ATF6: variants seen among roughly 807,000 people sequenced by gnomAD.
ATF6 encodes activating transcription factor 6.
In ATF6, 53 loss-of-function variants were observed where a neutral mutation model predicts 83.6. The observed-to-expected ratio is 0.63, with a 90% CI of 0.51 to 0.80. ATF6 has a LOEUF of 0.80. Among genes scored for constraint, ATF6 ranks in the 30% least tolerant of loss-of-function variants. The probability of loss-of-function intolerance (pLI) is 0.00; values close to 1 mark genes in which losing one functional copy is unlikely to be tolerated. For synonymous variants in ATF6, 288 were observed against 285.8 expected, an observed-to-expected ratio of 1.01 and a Z score of -0.08; for missense variants, 744 against 797.9, an observed-to-expected ratio of 0.93 and a Z score of 0.81.
At chr1:161,920,931 A>G (rs906146713) in intron 15 of ATF6, among the ~76,000 whole-genome samples, 4 of 151,942 alleles carry the variant, frequency 2.6e-5, no homozygotes, top group Non-Finnish European at 5.9e-5. Context: ...TTAACTAGGC[A>G]CATTATGATT....
intron 7 of ATF6, among the ~76,000 whole-genome samples, chr1:161,802,573 C>T (rs528983998): frequency 3.9e-5 from 6 of 152,282 alleles, no homozygotes; most frequent in African/African-American, 1.4e-4. Flanking sequence ...TCTTCAAGCC[C>T]TTACACCCTC....
chr1:161,921,711 G>A (rs1190242593), intron 15 of ATF6, among the ~76,000 whole-genome samples: 5 of 152,180 alleles, frequency 3.3e-5, no homozygotes, highest in Non-Finnish European at 7.4e-5. Flanking sequence ...TGTATCTCTT[G>A]TAACAGATTG....
At chr1:161,821,530 TCAGTTTGC>T (rs1346054583) in intron 9 of ATF6, among the ~76,000 whole-genome samples, 1 of 152,174 alleles carries the variant, frequency 6.6e-6, no homozygotes, top group African/African-American at 2.4e-5. Context: ...AACTGTAATA[TCAGTTTGC>T]CATGTGCAAA....
At chr1:161,937,611 A>G (rs930396174) in intron 15 of ATF6, among the ~76,000 whole-genome samples, 1 of 151,946 alleles carries the variant, frequency 6.6e-6, no homozygotes, top group Non-Finnish European at 1.5e-5. Flanking sequence ...GAAGCTGGAA[A>G]CCATCATTCT....
At chr1:161,921,103 T>C (rs1187270205) in intron 15 of ATF6, among the ~76,000 whole-genome samples, 2 of 152,160 alleles carry the variant, frequency 1.3e-5, no homozygotes, top group Non-Finnish European at 2.9e-5. Context: ...GATGAACCAG[T>C]TGCTGTGTTG....
chr1:161,787,777 A>G (rs1684777642), intron 4 of ATF6, among the ~76,000 whole-genome samples: 1 of 152,208 alleles, frequency 6.6e-6, no homozygotes, highest in East Asian at 1.9e-4. Flanking sequence ...TGTTTTTCCA[A>G]ATGACTATCA....
intron 15 of ATF6, among the ~76,000 whole-genome samples, chr1:161,949,662 G>A (rs974745515): frequency 1.3e-5 from 2 of 152,188 alleles, no homozygotes; most frequent in Non-Finnish European, 2.9e-5. Flanking sequence ...GCCTGTGTGT[G>A]CAGAAATCAC....
At chr1:161,793,116 T>A (rs927664494) in intron 6 of ATF6, among the ~76,000 whole-genome samples, 6 of 152,220 alleles carry the variant, frequency 3.9e-5, no homozygotes, top group African/African-American at 1.4e-4. Context: ...ACACCAATGT[T>A]ACATTTGTAC....
intron 14 of ATF6, among the ~76,000 whole-genome samples, chr1:161,908,787 T>A (rs1010263220): frequency 2.0e-5 from 3 of 152,242 alleles, no homozygotes; most frequent in African/African-American, 7.2e-5. Context: ...TTAAGTAGTT[T>A]CATTTTTGTC....
At chr1:161,915,947 C>A (rs903376297) in intron 15 of ATF6, among the ~76,000 whole-genome samples, 4 of 152,122 alleles carry the variant, frequency 2.6e-5, no homozygotes, top group Non-Finnish European at 5.9e-5. Flanking sequence ...ATTACTGTTA[C>A]CTCTGGTGTA....
In ATF6 at chr1:161,829,596, C is replaced by T. The variant is rs572430336; in HGVS notation, c.1187+8435C>T. 3.4e-4 allele frequency among the ~76,000 whole-genome samples: 51 copies of T among 152,190 alleles called. 1 individual carries two copies. Among genetic ancestry groups the T allele is most frequent in the African/African-American group, 1.2e-3 (51 of 41,534 alleles). On this transcript the variant is annotated intron_variant, in intron 9 of 15. Transcript: ENST00000367942. ...CTGAATCTAGCAACATATCAAAAAG[C>T]TTATCCACCATGATCAAGTGGGCTT...
intron 14 of ATF6, among the ~76,000 whole-genome samples, chr1:161,889,467 C>T (rs1265317109): frequency 6.6e-6 from 1 of 152,224 alleles, no homozygotes; most frequent in East Asian, 1.9e-4. Flanking sequence ...TGCTGGGGAA[C>T]CCAAGCTATA....
intron 10 of ATF6, among the ~76,000 whole-genome samples, chr1:161,850,619 C>G (rs1686597426): frequency 6.6e-6 from 1 of 152,178 alleles, no homozygotes; most frequent in Admixed American, 6.5e-5. Flanking sequence ...CTTTGATTCT[C>G]TCATTCCCTA....
rs574485358 is a variant in ATF6, at chr1:161,841,331, T to A, written c.1188-5118T>A. Among the ~76,000 whole-genome samples, 11 of 152,298 alleles carry A rather than the reference T, an allele frequency of 7.2e-5. No homozygotes were observed. The South Asian group carries it at 2.3e-3, about 32-fold the overall frequency. Reference sequence around the variant, plus strand: ...TAGTTATTCAGATGGTTAAAATTAGTTTCTGTGGGTCATTTCATAGAGTTC... The same window carrying A: ...TAGTTATTCAGATGGTTAAAATTAGATTCTGTGGGTCATTTCATAGAGTTC... On this transcript the variant is annotated intron_variant, in intron 9 of 15. Transcript: ENST00000367942.
intron 12 of ATF6, among the ~76,000 whole-genome samples, chr1:161,853,751 C>G (rs1686696469): frequency 6.6e-6 from 1 of 152,156 alleles, no homozygotes; most frequent in African/African-American, 2.4e-5. Context: ...TAGACATTTA[C>G]TACTATGGTT....
At chr1:161,805,149 A>G (rs371561919) in intron 7 of ATF6, among the ~76,000 whole-genome samples, 3 of 152,140 alleles carry the variant, frequency 2.0e-5, no homozygotes, top group Admixed American at 6.5e-5. Flanking sequence ...GTATGAATGT[A>G]TATTCAGATG....
At chr1:161,777,153 G>A (rs750989675) in intron 1 of ATF6, among the ~76,000 whole-genome samples, 1 of 152,162 alleles carries the variant, frequency 6.6e-6, no homozygotes, top group African/African-American at 2.4e-5. Flanking sequence ...TGTATGTGGA[G>A]CGGGGAGCTT....
At chr1:161,864,165 GCTTT>G (rs1239260698) in intron 14 of ATF6, among the ~76,000 whole-genome samples, 33 of 151,978 alleles carry the variant, frequency 2.2e-4, no homozygotes, top group African/African-American at 6.0e-4. Flanking sequence ...TGAGTAGCTG[GCTTT>G]CTTTTTTTTT....
At chr1:161,864,030 A>T (rs1255974402) in intron 14 of ATF6, among the ~76,000 whole-genome samples, 2 of 152,218 alleles carry the variant, frequency 1.3e-5, no homozygotes, top group African/African-American at 4.8e-5. Context: ...TGAATGAATT[A>T]GAATTCCTCA....
Sources: gnomAD v4.1 joint callset for allele counts (sites outside exome capture counted in the v4.1 genomes callset) on GRCh38, gnomAD v4.1.1 for gene constraint, MANE v1.5 for transcripts, NCBI Gene and HGNC (gene_info 2026-07-23, HGNC 2026-07-21) for gene names.